Variants in ST8SIA6 observed in about 807,000 individuals in gnomAD.
ST8SIA6 encodes alpha-2,8-sialyltransferase 8F.
In ST8SIA6, 39 loss-of-function variants were observed where a neutral mutation model predicts 33.6. That is an observed-to-expected ratio of 1.16 (90% confidence interval 0.90 to 1.52). The LOEUF is 1.52. Among genes scored for constraint, ST8SIA6 ranks in the 40% most tolerant of loss-of-function variants. The probability of loss-of-function intolerance (pLI) is 0.00; values close to 1 mark genes in which losing one functional copy is unlikely to be tolerated. For synonymous variants in ST8SIA6, 172 were observed against 167.2 expected, an observed-to-expected ratio of 1.03 and a Z score of -0.22; for missense variants, 441 against 443.8, an observed-to-expected ratio of 0.99 and a Z score of 0.06.
At chr10:17,359,966 T>C (rs2131618236) in intron 3 of ST8SIA6, among the ~76,000 whole-genome samples, 1 of 152,286 alleles carries the variant, frequency 6.6e-6, no homozygotes, top group Non-Finnish European at 1.5e-5. Flanking sequence ...CAATAGATTT[T>C]TTCAGACTCT....
At position 17,359,424 on chromosome 10, in the gene ST8SIA6, T is replaced by C. The variant is rs1003575069; in HGVS notation, c.377+90A>G. On this transcript the variant is annotated intron_variant, in intron 4 of 7. Transcript: ENST00000377602. ...CATTGCCAGCTGGGGTTGGTTCTAC[T>C]TCTCTTTTTAATAACATATTGCCTA... 32 of 1,068,066 alleles carry C rather than the reference T, an allele frequency of 3.0e-5. No homozygotes were observed. The African/African-American group carries it at 5.0e-4, about 17-fold the overall frequency. 66.2% of individuals were successfully genotyped at this position (1,068,066 alleles called of 1,614,324 possible).
At chr10:17,370,525 C>T (rs943631704) in intron 3 of ST8SIA6, among the ~76,000 whole-genome samples, 1 of 152,202 alleles carries the variant, frequency 6.6e-6, no homozygotes, top group African/African-American at 2.4e-5. Flanking sequence ...GTTTACCATA[C>T]ACAACTTATC....
At chr10:17,422,557 G>C (rs1418914628) in intron 2 of ST8SIA6, among the ~76,000 whole-genome samples, 2 of 152,072 alleles carry the variant, frequency 1.3e-5, no homozygotes, top group Non-Finnish European at 2.9e-5. Context: ...CTCCTCTCTC[G>C]CTGCCAATCC....
chr10:17,389,233 A>C (rs994976896), intron 3 of ST8SIA6, among the ~76,000 whole-genome samples: 2 of 152,174 alleles, frequency 1.3e-5, no homozygotes, highest in Non-Finnish European at 2.9e-5. Flanking sequence ...GATTTGAGTA[A>C]TAAAACTCCG....
chr10:17,332,069 T>C (rs1848320216), intron 4 of ST8SIA6, among the ~76,000 whole-genome samples: 1 of 152,210 alleles, frequency 6.6e-6, no homozygotes, highest in African/African-American at 2.4e-5. Flanking sequence ...CTGTGTCAGT[T>C]TGATGAAGAT....
intron 2 of ST8SIA6, among the ~76,000 whole-genome samples, chr10:17,447,750 A>G (rs937301175): frequency 1.3e-5 from 2 of 152,182 alleles, no homozygotes; most frequent in Non-Finnish European, 2.9e-5. Context: ...TACTAACTAA[A>G]AAGTCCACCC....
At chr10:17,323,397 T>A (rs1389648234) in intron 6 of ST8SIA6, among the ~76,000 whole-genome samples, 1 of 148,242 alleles carries the variant, frequency 6.7e-6, no homozygotes, top group Non-Finnish European at 1.5e-5. Flanking sequence ...TACACCTTTT[T>A]TTTTTTTTTT....
intron 4 of ST8SIA6, among the ~76,000 whole-genome samples, chr10:17,354,882 G>T (rs866541637): frequency 1.3e-5 from 2 of 152,162 alleles, no homozygotes; most frequent in African/African-American, 4.8e-5. Context: ...TTAGGAAACC[G>T]CTTTCATGGA....
chr10:17,326,997 A>G lies in ST8SIA6; in HGVS notation c.635+17T>C, dbSNP rs372301660. 80 of 1,560,324 alleles carry G rather than the reference A, an allele frequency of 5.1e-5. No homozygotes were observed. Among genetic ancestry groups the G allele is most frequent in the Middle Eastern group, 5.1e-4 (3 of 5,906 alleles). On this transcript the variant is annotated intron_variant, in intron 6 of 7. Transcript: ENST00000377602. ...ACTGATCTATTGTTTCAAAGAAACC[A>G]ATTTGTCAGGTCTTACCTAAAAACG... is the stretch of plus-strand genomic sequence containing the variant.
chr10:17,359,617 A>AC lies in ST8SIA6; in HGVS notation c.291-18_291-17insG. 2.0e-6 allele frequency: 3 copies of AC among 1,485,976 alleles called. No individual in the cohort carries two copies. The highest frequency in any genetic ancestry group is 2.8e-6 in the Non-Finnish European group (3 of 1,077,768). The allele number at this position is 1,485,976 out of a possible 1,614,324, so 92.0% of individuals were successfully genotyped here. ...TCTGAATACCTAAAAATTAAATGTCAATATAATTAGAAAATAATGATCTCA... is the reference window on the plus strand; with the variant it reads ...TCTGAATACCTAAAAATTAAATGTCACATATAATTAGAAAATAATGATCTCA... On this transcript the variant is annotated splice_polypyrimidine_tract_variant and intron_variant, in intron 3 of 7. Coordinates refer to ENST00000377602, the MANE Select transcript of ST8SIA6 (RefSeq NM_001004470.3).
At chr10:17,333,815 G>A (rs140170767) in intron 4 of ST8SIA6, among the ~76,000 whole-genome samples, 4,006 of 139,798 alleles carry the variant, frequency 0.029, 203 homozygotes, top group African/African-American at 0.1. Context: ...TCCACTTCCC[G>A]GGTTCAAGCA....
chr10:17,362,660 C>T (rs1849428678), intron 3 of ST8SIA6, among the ~76,000 whole-genome samples: 1 of 152,116 alleles, frequency 6.6e-6, no homozygotes, highest in Non-Finnish European at 1.5e-5. Context: ...CTTTTCTAGC[C>T]CAGCACAATC....
rs545249633 is a variant in ST8SIA6, at chr10:17,406,573, A to G, written c.201-15953T>C. Among the ~76,000 whole-genome samples the G allele has an allele frequency of 3.9e-5, 6 of 152,254 alleles. No homozygotes were observed. In the South Asian group the frequency reaches 1.2e-3, roughly 32 times the overall value. The stretch of plus-strand genomic sequence containing the variant: ...TGTCTTTTCTTGTGAGTCTGTCCCA[A>G]CTACAAACGTATGAGGGTTGAGGAA... On this transcript the variant is annotated intron_variant, in intron 2 of 7. Coordinates refer to ENST00000377602, the MANE Select transcript of ST8SIA6 (RefSeq NM_001004470.3).
At chr10:17,418,993 CA>C (rs910044275) in intron 2 of ST8SIA6, among the ~76,000 whole-genome samples, 892 of 56,118 alleles carry the variant, frequency 0.016, 2 homozygotes, top group Admixed American at 0.026. Flanking sequence ...GGCTCCATCT[CA>C]AAAAAAAAAA....
chr10:17,378,075 T>G (rs544879934), intron 3 of ST8SIA6, among the ~76,000 whole-genome samples: 1 of 152,276 alleles, frequency 6.6e-6, no homozygotes, highest in South Asian at 2.1e-4. Context: ...ATTGCGTGTG[T>G]TTAATGGAAA....
chr10:17,348,619 C>T (rs2131605501), intron 4 of ST8SIA6, among the ~76,000 whole-genome samples: 1 of 152,290 alleles, frequency 6.6e-6, no homozygotes, highest in Non-Finnish European at 1.5e-5. Flanking sequence ...TAAAGGGGCC[C>T]TAACTGCTCC....
At chr10:17,365,379 G>A (rs1015895232) in intron 3 of ST8SIA6, among the ~76,000 whole-genome samples, 5 of 152,134 alleles carry the variant, frequency 3.3e-5, no homozygotes, top group Non-Finnish European at 7.4e-5. Flanking sequence ...ATTTACAGTA[G>A]TTCCCCCTTA....
At chr10:17,430,660 ATGTT>A (rs951495359) in intron 2 of ST8SIA6, among the ~76,000 whole-genome samples, 1 of 151,812 alleles carries the variant, frequency 6.6e-6, no homozygotes, top group African/African-American at 2.4e-5. Context: ...ATTTTTTCCT[ATGTT>A]TGTTGGCCAT....
At chr10:17,367,639 G>A (rs1849597422) in intron 3 of ST8SIA6, among the ~76,000 whole-genome samples, 1 of 152,038 alleles carries the variant, frequency 6.6e-6, no homozygotes, top group African/African-American at 2.4e-5. Flanking sequence ...GATTTCTAAA[G>A]ATGAAAAAAA....
Sources: allele counts gnomAD v4.1 joint callset (sites outside exome capture counted in the v4.1 genomes callset), GRCh38; gene constraint gnomAD v4.1.1; transcripts MANE v1.5; gene names NCBI Gene and HGNC (gene_info 2026-07-23, HGNC 2026-07-21).